Variants in LRRFIP1 observed in about 807,000 individuals in gnomAD.
LRRFIP1 encodes the protein LRR binding FLII interacting protein 1.
Under a neutral mutation model 104.4 loss-of-function variants are expected in LRRFIP1, and 62 were observed. The ratio of observed to expected loss-of-function variants is 0.59; its 90% CI spans 0.48 to 0.73. LRRFIP1 has a LOEUF of 0.73. LRRFIP1 is among the 30% of genes least tolerant of loss of function. LRRFIP1 has a pLI of 0.00. For missense variants in LRRFIP1, 796 were observed against 824.5 expected (o/e 0.97, Z 0.42); for synonymous variants, 300 against 299.0 (o/e 1.00, Z -0.03).
At chr2:237,777,288 C>T (rs2061171833) in intron 23 of LRRFIP1, among the ~76,000 whole-genome samples, 1 of 152,190 alleles carries the variant, frequency 6.6e-6, no homozygotes, top group Admixed American at 6.5e-5. Context: ...TTTGACATAA[C>T]TACATATTGG....
At chr2:237,635,577 C>T (rs2082961085) in intron 1 of LRRFIP1, among the ~76,000 whole-genome samples, 1 of 152,182 alleles carries the variant, frequency 6.6e-6, no homozygotes, top group Non-Finnish European at 1.5e-5. Flanking sequence ...ATTCCAGCAA[C>T]TCAGGAGGCT....
chr2:237,714,789 T>G (rs2094258739), intron 3 of LRRFIP1, among the ~76,000 whole-genome samples: 1 of 152,346 alleles, frequency 6.6e-6, no homozygotes, highest in South Asian at 2.1e-4. Flanking sequence ...CTCTGTTTCC[T>G]AGTATTTTGT....
chr2:237,685,110 C>A (rs1481971843), intron 1 of LRRFIP1, among the ~76,000 whole-genome samples: 16 of 17,734 alleles, frequency 9.0e-4, no homozygotes, highest in African/African-American at 1.5e-3. Context: ...CCCTACCCTC[C>A]CCCCCCCACA....
chr2:237,767,772 C>A (rs2060334669), intron 19 of LRRFIP1, among the ~76,000 whole-genome samples: 1 of 152,132 alleles, frequency 6.6e-6, no homozygotes, highest in South Asian at 2.1e-4. Context: ...TGGGAGACCA[C>A]CCCCCAACCC....
intron 19 of LRRFIP1, chr2:237,762,573 GT>G (rs1169103090): frequency 1.9e-6 from 3 of 1,541,056 alleles, no homozygotes; most frequent in Admixed American, 3.7e-5. Context: ...ACATCATGGG[GT>G]CCCTTCAATT....
intron 14 of LRRFIP1, among the ~76,000 whole-genome samples, chr2:237,752,873 A>C (rs781077385): frequency 6.6e-6 from 1 of 152,174 alleles, no homozygotes; most frequent in Non-Finnish European, 1.5e-5. Flanking sequence ...GGCCCTATGT[A>C]ATTATCTCAG....
intron 18 of LRRFIP1, among the ~76,000 whole-genome samples, chr2:237,759,716 T>A (rs2059663851): frequency 6.6e-6 from 1 of 152,228 alleles, no homozygotes. Context: ...ATCAGGGTTT[T>A]GAAATGAAAG....
intron 1 of LRRFIP1, among the ~76,000 whole-genome samples, chr2:237,685,858 C>T (rs1173390311): frequency 2.0e-5 from 3 of 152,148 alleles, no homozygotes; most frequent in Admixed American, 6.5e-5. Context: ...TCAAGGCTGC[C>T]GTCTACCATT....
At chr2:237,714,310 T>G (rs982547231) in intron 3 of LRRFIP1, 34 bp downstream of exon 3, 1 of 1,574,950 alleles carries the variant, frequency 6.3e-7, no homozygotes. Flanking sequence ...CTAACTTGCA[T>G]GTACTGTTTT....
intron 1 of LRRFIP1, among the ~76,000 whole-genome samples, chr2:237,699,172 T>C (rs2093364979): frequency 6.6e-6 from 1 of 152,172 alleles, no homozygotes. Flanking sequence ...GTTGACTAAC[T>C]CTCAGGAAAG....
At chr2:237,702,026 G>T (rs1054850779) in intron 1 of LRRFIP1, among the ~76,000 whole-genome samples, 5 of 152,146 alleles carry the variant, frequency 3.3e-5, no homozygotes, top group South Asian at 2.1e-4. Flanking sequence ...CCAGGGAGGT[G>T]CCCCCATAGA....
chr2:237,760,897 A>T lies in LRRFIP1; in HGVS notation c.1459+692A>T, dbSNP rs55927122. 8.1e-3 allele frequency among the ~76,000 whole-genome samples: 1,231 copies of T among 152,294 alleles called. 7 individuals are homozygous for T. The highest frequency in any genetic ancestry group is 0.013 in the Non-Finnish European group (852 of 68,022). On this transcript the variant is annotated intron_variant, in intron 19 of 23. Transcript: ENST00000308482. ...CCAGTAGATCAGAGGAATATTTTAT[A>T]CCATTTTCAATGATCTGATTTGTCA... is the stretch of plus-strand genomic sequence containing the variant.
rs768092667 is a variant in LRRFIP1 at position 237,772,199 on chromosome 2, G to A, written c.1627+1G>A. The A allele has an allele frequency of 6.2e-7, 1 of 1,604,432 alleles. No homozygotes were observed. Among genetic ancestry groups the A allele is most frequent in the Non-Finnish European group, 8.5e-7 (1 of 1,171,274 alleles). On this transcript the variant is annotated splice_donor_variant, in intron 21 of 23. Coordinates refer to ENST00000308482, the MANE Select transcript of LRRFIP1 (RefSeq NM_001137550.2). LOFTEE classifies it high-confidence loss of function. ...GACATGCATGTAATGGACCTACAAA[G>A]TAAATGTCAATTCTTGTGTAGAAGT...
intron 1 of LRRFIP1, among the ~76,000 whole-genome samples, chr2:237,705,693 C>T (rs1004697072): frequency 3.3e-5 from 5 of 152,088 alleles, no homozygotes; most frequent in African/African-American, 7.2e-5. Context: ...TGGACTCAGC[C>T]TCTCTGGGTC....
At chr2:237,635,740 G>A (rs1428060841) in intron 1 of LRRFIP1, among the ~76,000 whole-genome samples, 4 of 152,004 alleles carry the variant, frequency 2.6e-5, no homozygotes, top group East Asian at 1.9e-4. Flanking sequence ...CAGGAGCATC[G>A]CTTAAGCCCA....
intron 10 of LRRFIP1, 66 bp from the exon 11 acceptor site, chr2:237,739,166 T>C (rs1249188253): frequency 7.1e-7 from 1 of 1,418,378 alleles, no homozygotes; most frequent in Non-Finnish European, 9.7e-7. Context: ...TCTATTCTCC[T>C]TGCTCCTTTG....
At chr2:237,762,257 G>T (rs1005234247) in intron 19 of LRRFIP1, among the ~76,000 whole-genome samples, 1 of 152,184 alleles carries the variant, frequency 6.6e-6, no homozygotes, top group Non-Finnish European at 1.5e-5. Flanking sequence ...TGAACCTTCA[G>T]TCTGTTCCTA....
chr2:237,630,759 C>T (rs1057016335), intron 1 of LRRFIP1, among the ~76,000 whole-genome samples: 5 of 152,206 alleles, frequency 3.3e-5, no homozygotes, highest in African/African-American at 9.7e-5. Context: ...CCAGTGGCTC[C>T]GGCCTCTTTT....
At chr2:237,765,693 T>C (rs1228821355) in intron 19 of LRRFIP1, 1 of 943,204 alleles carries the variant, frequency 1.1e-6, no homozygotes, top group Non-Finnish European at 1.3e-6. Context: ...GTTTTCTATA[T>C]AAAAAAATTT....
Sources: allele counts gnomAD v4.1 joint callset (sites outside exome capture counted in the v4.1 genomes callset), GRCh38; gene constraint gnomAD v4.1.1; transcripts MANE v1.5; gene names NCBI Gene and HGNC (gene_info 2026-07-23, HGNC 2026-07-21).